ACKR3: variants seen among roughly 807,000 people sequenced by gnomAD.
The protein encoded by ACKR3 is atypical chemokine receptor 3, also known as C-X-C chemokine receptor type 7.
ACKR3 carries 6 observed loss-of-function variants against 22.4 expected under a neutral mutation model. The observed-to-expected ratio is 0.27, with a 90% CI of 0.15 to 0.53. The LOEUF (loss-of-function observed/expected upper bound fraction) is 0.53. Among genes scored for constraint, ACKR3 ranks in the 20% least tolerant of loss-of-function variants. The probability of loss-of-function intolerance (pLI) is 0.96; values close to 1 mark genes in which losing one functional copy is unlikely to be tolerated. For synonymous variants in ACKR3, 209 were observed against 205.2 expected (o/e 1.02, Z -0.16); for missense variants, 396 against 475.2 (o/e 0.83, Z 1.55).
rs370632662 is a variant in ACKR3, at chr2:236,581,338, C to G, written c.873C>G (p.His291Gln). The change falls in exon 2 of 2, where the codon CAC becomes CAG. Residue 291 changes from histidine (H) to glutamine (Q), a missense_variant. Transcript: ENST00000272928. This position sits in a 1 kb window ranked among gnomAD's most constrained non-coding sequence, Gnocchi z 4.4. ...HYIPFTCRLE[H>Q]ALFTALHVTQ... ...TCCCTTTCACCTGCCGGCTGGAGCA[C>G]GCCCTCTTCACGGCCCTGCATGTCA... 1.3e-5 allele frequency: 21 copies of G among 1,613,900 alleles called. No individual in the cohort carries two copies. The highest frequency in any genetic ancestry group is 1.8e-5 in the Non-Finnish European group (21 of 1,179,986).
chr2:236,563,730 G>A (rs866668583), upstream of ACKR3, among the ~76,000 whole-genome samples: 13 of 152,234 alleles, frequency 8.5e-5, 1 homozygote, highest in South Asian at 1.5e-3. Flanking sequence ...CCCAGATTCC[G>A]GGACCCCCTT....
the ACKR3 span, among the ~76,000 whole-genome samples, chr2:236,555,249 C>T: frequency 1.8e-4 from 27 of 152,342 alleles, 1 homozygote; most frequent in South Asian, 5.2e-3. Context: ...ACACATCTTA[C>T]CTCTGTGACA....
At chr2:236,566,768 T>TCCTTCCTTCCTTCCTTCCTTCC (rs1559469809), upstream of ACKR3, among the ~76,000 whole-genome samples, 43 of 71,962 alleles carry the variant, frequency 6.0e-4, no homozygotes, top group African/African-American at 4.8e-3. Flanking sequence ...TCCTTCCTTT[T>TCCTTCCTTCCTTCCTTCCTTCC]CTTTGCTAGG....
the ACKR3 span, among the ~76,000 whole-genome samples, chr2:236,537,323 A>T: frequency 3.9e-5 from 6 of 152,196 alleles, no homozygotes; most frequent in African/African-American, 1.4e-4. Context: ...GCTGGTGGAG[A>T]TGAGCCAGGA....
the ACKR3 span, among the ~76,000 whole-genome samples, chr2:236,553,741 G>A: frequency 5.2e-5 from 8 of 152,398 alleles, no homozygotes; most frequent in Non-Finnish European, 1.0e-4. Context: ...GAGAAGCTGC[G>A]AACTGCGAGT....
chr2:236,550,925 T>G, the ACKR3 span, among the ~76,000 whole-genome samples: 1 of 152,328 alleles, frequency 6.6e-6, no homozygotes, highest in South Asian at 2.1e-4. This position sits in a 1 kb window ranked among gnomAD's most constrained non-coding sequence, Gnocchi z 4.6. Flanking sequence ...CCTTTCTATT[T>G]CCTACAGCTG....
At chr2:236,542,868 C>A in the ACKR3 span, among the ~76,000 whole-genome samples, 2 of 88,182 alleles carry the variant, frequency 2.3e-5, no homozygotes, top group Non-Finnish European at 3.9e-5. Context: ...CCTATTTACA[C>A]ATGTTTTGGG....
the ACKR3 span, among the ~76,000 whole-genome samples, chr2:236,560,342 G>T: frequency 3.2e-5 from 4 of 124,038 alleles, no homozygotes; most frequent in East Asian, 8.3e-4. Flanking sequence ...TTTTGTAAAG[G>T]CCATCCTGAT....
the ACKR3 span, among the ~76,000 whole-genome samples, chr2:236,543,922 T>A: frequency 7.2e-6 from 1 of 138,616 alleles, no homozygotes; most frequent in African/African-American, 2.5e-5. Context: ...TATGTGCAAT[T>A]TTTTCTCCTG....
chr2:236,550,652 T>C, the ACKR3 span, among the ~76,000 whole-genome samples: 5,421 of 152,168 alleles, frequency 0.036, 313 homozygotes, highest in African/African-American at 0.12. The surrounding 1 kb of genome is among the most constrained non-coding windows in gnomAD (Gnocchi z 4.6). Flanking sequence ...TGACATCTTG[T>C]CGCTGAGCAA....
chr2:236,549,223 C>T, the ACKR3 span, among the ~76,000 whole-genome samples: 1 of 152,234 alleles, frequency 6.6e-6, no homozygotes, highest in East Asian at 1.9e-4. This position sits in a 1 kb window ranked among gnomAD's most constrained non-coding sequence, Gnocchi z 5.3. Flanking sequence ...ACCCTGCAGA[C>T]CCAAAGGTAG....
upstream of ACKR3, among the ~76,000 whole-genome samples, chr2:236,565,875 G>A (rs371490713): frequency 2.0e-5 from 3 of 152,242 alleles, no homozygotes; most frequent in East Asian, 3.9e-4. Context: ...GGTTATTCTG[G>A]GGGAGCGTCC....
the ACKR3 span, among the ~76,000 whole-genome samples, chr2:236,554,384 T>G: frequency 2.6e-5 from 4 of 152,150 alleles, no homozygotes; most frequent in Non-Finnish European, 4.4e-5. Flanking sequence ...AATATTTGAT[T>G]CAAAGAATTT....
At chr2:236,547,484 C>T in the ACKR3 span, among the ~76,000 whole-genome samples, 1 of 151,992 alleles carries the variant, frequency 6.6e-6, no homozygotes, top group Admixed American at 6.5e-5. Flanking sequence ...TTTCTTTGTT[C>T]ACGTTTCCTT....
chr2:236,554,055 G>A, the ACKR3 span, among the ~76,000 whole-genome samples: 2 of 152,224 alleles, frequency 1.3e-5, no homozygotes, highest in African/African-American at 2.4e-5. Flanking sequence ...CCTCAGGGCT[G>A]TGTCCTGGGT....
chr2:236,577,829 C>T lies in ACKR3; in HGVS notation c.-26-2611C>T, dbSNP rs1174323496. 6.6e-6 allele frequency among the ~76,000 whole-genome samples: 1 copy of T among 152,200 alleles called. No individual in the cohort carries two copies. Among genetic ancestry groups the T allele is most frequent in the Non-Finnish European group, 1.5e-5 (1 of 68,034 alleles). ...ATTTATGGCAGCTTCTGCTGTGTGG[C>T]TGTGCCAGTGGGGACAGAGCAGGGA... On this transcript the variant is annotated intron_variant, in intron 1 of 1. Transcript: ENST00000272928. The surrounding 1 kb of genome is among the most constrained non-coding windows in gnomAD (Gnocchi z 5.6).
At chr2:236,537,702 T>C in the ACKR3 span, among the ~76,000 whole-genome samples, 7,771 of 152,314 alleles carry the variant, frequency 0.051, 333 homozygotes, top group East Asian at 0.12. Context: ...ACCTTTTTGC[T>C]ACTATTACTT....
the ACKR3 span, among the ~76,000 whole-genome samples, chr2:236,539,890 AG>A: frequency 6.6e-6 from 1 of 152,210 alleles, no homozygotes; most frequent in African/African-American, 2.4e-5. Flanking sequence ...GAGCATGTGC[AG>A]GGGAACTCCC....
At chr2:236,557,110 G>A in the ACKR3 span, among the ~76,000 whole-genome samples, 50 of 152,330 alleles carry the variant, frequency 3.3e-4, no homozygotes, top group African/African-American at 8.7e-4. Context: ...ATGGAAGCTA[G>A]GTCTCTCACT....
Sources: allele counts gnomAD v4.1 joint callset (sites outside exome capture counted in the v4.1 genomes callset), GRCh38; gene constraint gnomAD v4.1.1; non-coding constraint Gnocchi (gnomAD v3.1); transcripts MANE v1.5; gene names NCBI Gene and HGNC (gene_info 2026-07-23, HGNC 2026-07-21).